The following NOC3L variants were observed in gnomAD, a reference collection of about 807,000 sequenced individuals.
The protein encoded by NOC3L is nucleolar complex protein 3 homolog.
Under a neutral mutation model 102.5 loss-of-function variants are expected in NOC3L, and 85 were observed. The observed-to-expected ratio is 0.83, with a 90% confidence interval of 0.70 to 0.99. NOC3L has a LOEUF of 0.99. Ranked by LOEUF, NOC3L falls within the 50% of genes least tolerant of loss-of-function variation. The probability of loss-of-function intolerance (pLI) is 0.00; values close to 1 mark genes in which losing one functional copy is unlikely to be tolerated. For missense variants in NOC3L, 878 were observed against 914.9 expected (o/e 0.96, Z 0.52); for synonymous variants, 303 against 309.4 (o/e 0.98, Z 0.22).
At position 94,352,978 on chromosome 10, in the gene NOC3L, A is replaced by T; in HGVS notation, c.776T>A (p.Ile259Asn). The T allele has an allele frequency of 6.2e-7, 1 of 1,613,948 alleles. No individual in the cohort carries two copies. The highest frequency in any genetic ancestry group is 8.5e-7 in the Non-Finnish European group (1 of 1,179,796). Reference protein sequence around the residue: ...DVAVTVRKLVIVSLMELFKDI... With the variant: ...DVAVTVRKLVNVSLMELFKDI... Reference sequence around the variant, plus strand: ...TTTAAATAACTCCATCAGAGAAACAATTACCAGCTTTCGAACAGTAACAGC... The same window carrying T: ...TTTAAATAACTCCATCAGAGAAACATTTACCAGCTTTCGAACAGTAACAGC... The change falls in exon 7 of 21, where the codon ATT (isoleucine) becomes AAT (asparagine). Residue 259 changes from isoleucine (I) to asparagine (N), a missense_variant. Ile to Asn is a moderately radical substitution (Grantham distance 149, BLOSUM62 -3). Transcript: ENST00000371361.
At chr10:94,359,668 G>T (rs538965449) in intron 2 of NOC3L, among the ~76,000 whole-genome samples, 1 of 152,110 alleles carries the variant, frequency 6.6e-6, no homozygotes, top group South Asian at 2.1e-4. Context: ...TCAGGGAAAT[G>T]TAAATCAAAA....
rs200203754 is a variant in NOC3L at position 94,355,391 on chromosome 10, C to CTTTT, written c.566-302_566-299dup. ...AAACTCAGGCAGTCTGATTCTAGAA[C>CTTTT]TTTTTTTTTTTTTTTTTGAGACAGG... On this transcript the variant is annotated intron_variant, in intron 5 of 20. Transcript: ENST00000371361. Among the ~76,000 whole-genome samples, 6 of 139,650 alleles carry CTTTT rather than the reference C, an allele frequency of 4.3e-5. No individual in the cohort carries two copies. The South Asian group carries it at 9.3e-4, about 22-fold the overall frequency. 91.6% of individuals were successfully genotyped at this position (139,650 alleles called of 152,430 possible).
At chr10:94,328,776 G>C (rs2054120352), downstream of NOC3L, 1 of 151,880 alleles carries the variant, frequency 6.6e-6, no homozygotes, top group South Asian at 2.1e-4. Context: ...AAATAATATT[G>C]GGTTTTTTTT....
In NOC3L at chr10:94,361,674, T is replaced by A; in HGVS notation, c.208A>T (p.Lys70Ter). Residue 70 changes from lysine to a stop codon, truncating the protein, a stop_gained, in exon 2 of 21, where the codon AAG becomes TAG. Coordinates refer to ENST00000371361, the MANE Select transcript of NOC3L (RefSeq NM_022451.11). LOFTEE classifies it high-confidence loss of function. The stretch of plus-strand genomic sequence containing the variant: ...ATGTTTTCACAATTACCTGGTCGCT[T>A]TTCCTTTGGGTTCTCCAATGGAATG... Reference protein sequence around the residue: ...KPIPLENPKEKRPGKRIEREE... With the variant: ...KPIPLENPKE The A allele has an allele frequency of 6.2e-7, 1 of 1,613,160 alleles. No homozygotes were observed. The highest frequency in any genetic ancestry group is 8.5e-7 in the Non-Finnish European group (1 of 1,179,456).
Position 94,346,575 on chromosome 10 carries a change from C to A in NOC3L, c.1258-19G>T. 1 of 1,265,392 alleles carries A rather than the reference C, an allele frequency of 7.9e-7. No homozygotes were observed. Among genetic ancestry groups the A allele is most frequent in the Non-Finnish European group, 1.1e-6 (1 of 939,898 alleles). The allele number at this position is 1,265,392 out of a possible 1,614,324, so 78.4% of individuals were successfully genotyped here. A position where few individuals can be genotyped will look rare whatever the true frequency, so the allele number is the denominator to read the frequency against. On this transcript the variant is annotated intron_variant, in intron 10 of 20. Coordinates refer to ENST00000371361, the MANE Select transcript of NOC3L (RefSeq NM_022451.11). The stretch of plus-strand genomic sequence containing the variant: ...TTAACATCTAATATTGGAAAAAAAA[C>A]ACAAATATACAGCTTAATATTTATA...
At chr10:94,360,774 T>C (rs2054543555) in intron 2 of NOC3L, among the ~76,000 whole-genome samples, 2 of 152,158 alleles carry the variant, frequency 1.3e-5, no homozygotes, top group African/African-American at 2.4e-5. Flanking sequence ...GTGATTATTA[T>C]GCATTGTATG....
intron 19 of NOC3L, among the ~76,000 whole-genome samples, chr10:94,336,087 C>T (rs2054214312): frequency 6.6e-6 from 1 of 152,128 alleles, no homozygotes; most frequent in Non-Finnish European, 1.5e-5. Context: ...TCGCCAAGGT[C>T]TGATTTTTCA....
intron 13 of NOC3L, among the ~76,000 whole-genome samples, chr10:94,342,131 G>T (rs1416164471): frequency 6.6e-6 from 1 of 152,150 alleles, no homozygotes; most frequent in Non-Finnish European, 1.5e-5. Context: ...CAAGAATATG[G>T]ACCTTATGAC....
the NOC3L span, chr10:94,324,682 G>GAGTT: frequency 9.7e-7 from 1 of 1,028,130 alleles, no homozygotes; most frequent in Non-Finnish European, 1.5e-6. Flanking sequence ...TCAAGGAATG[G>GAGTT]AGTTAGGAGA....
chr10:94,321,842 G>T, the NOC3L span: 1 of 1,346,866 alleles, frequency 7.4e-7, no homozygotes, highest in Non-Finnish European at 1.1e-6. Flanking sequence ...TGCTAGATTT[G>T]TCTTTCTTTA....
chr10:94,350,215 A>G lies in NOC3L; in HGVS notation c.1026T>C (p.Ala342=), dbSNP rs148409251. ...LKAYKGLAEV[A]VKSLCELLVA... ...CCAACAGCTCACACAAGCTCTTCAC[A>G]GCGACTTCTGCCAGTCCTTTGTATG... The change falls in exon 9 of 21, where the codon GCT becomes GCC. Residue 342 remains alanine (A), a synonymous_variant. Transcript: ENST00000371361. The G allele has an allele frequency of 2.1e-5, 34 of 1,614,092 alleles. No individual in the cohort carries two copies. Among genetic ancestry groups the G allele is most frequent in the Non-Finnish European group, 2.9e-5 (34 of 1,180,030 alleles).
Position 94,337,768 on chromosome 10 carries a change from A to G in NOC3L, c.2189+9T>C. ...TGTAGTTTTAGAATAAGGCAATGCT[A>G]AATATTACCTTCGACTCAACTCTGG... On this transcript the variant is annotated intron_variant, in intron 19 of 20. Transcript: ENST00000371361. 1 of 1,586,586 alleles carries G rather than the reference A, an allele frequency of 6.3e-7. No individual in the cohort carries two copies.
At chr10:94,334,868 T>G in intron 19 of NOC3L, 150 bp from the exon 20 acceptor site, 1 of 622,590 alleles carries the variant, frequency 1.6e-6, no homozygotes, top group Non-Finnish European at 2.8e-6. Flanking sequence ...ACTTAACAAA[T>G]TCTAAATTCC....
intron 18 of NOC3L, among the ~76,000 whole-genome samples, chr10:94,338,360 T>C (rs1015970692): frequency 1.3e-5 from 2 of 152,046 alleles, no homozygotes; most frequent in African/African-American, 4.8e-5. Flanking sequence ...AAGGTTTCAG[T>C]AAATCTTCCA....
downstream of NOC3L, chr10:94,328,443 T>G (rs1274802429): frequency 1.3e-5 from 2 of 152,626 alleles, no homozygotes; most frequent in African/African-American, 2.4e-5. Context: ...GTTTTGACTT[T>G]TTTTCAACCA....
intron 11 of NOC3L, among the ~76,000 whole-genome samples, chr10:94,345,765 T>C (rs1439347164): frequency 1.3e-5 from 2 of 152,112 alleles, no homozygotes; most frequent in Admixed American, 6.5e-5. Context: ...TCCCCAGAGA[T>C]TACTTTTGTT....
At chr10:94,319,443 G>T in the NOC3L span, among the ~76,000 whole-genome samples, 4 of 152,100 alleles carry the variant, frequency 2.6e-5, no homozygotes, top group Non-Finnish European at 4.4e-5. Context: ...TAAGCAGTTT[G>T]CCCATATATG....
At chr10:94,338,551 T>C in intron 18 of NOC3L, 57 bp downstream of exon 18, 2 of 1,414,332 alleles carry the variant, frequency 1.4e-6, no homozygotes, top group Non-Finnish European at 1.9e-6. Flanking sequence ...GAAGAAAAAC[T>C]GGAAAACAAT....
Position 94,357,331 on chromosome 10 carries a change from ACTGCAGGGG to A in NOC3L, c.351-9_351-1del, listed in dbSNP as rs1207468435. 1.9e-6 allele frequency: 3 copies of A among 1,571,914 alleles called. No homozygotes were observed. The highest frequency in any genetic ancestry group is 1.7e-4 in the Middle Eastern group (1 of 5,890). ...TCCGTTTCTTCGCATGAACAGGCTC[ACTGCAGGGG>A]AAAAAAAGATCAATTTTCAGTCTTA... On this transcript the variant is annotated splice_acceptor_variant and splice_polypyrimidine_tract_variant and intron_variant, in intron 3 of 20. Transcript: ENST00000371361. LOFTEE classifies it high-confidence loss of function.
Sources: gnomAD v4.1 joint callset for allele counts (sites outside exome capture counted in the v4.1 genomes callset) on GRCh38, gnomAD v4.1.1 for gene constraint, MANE v1.5 for transcripts, NCBI Gene and HGNC (gene_info 2026-07-23, HGNC 2026-07-21) for gene names.